Variants in CFAP43 observed in about 807,000 individuals in gnomAD.
CFAP43 encodes cilia- and flagella-associated protein 43.
CFAP43 carries 155 observed loss-of-function variants against 218.9 expected under a neutral mutation model. The observed-to-expected ratio is 0.71, with a 90% confidence interval of 0.62 to 0.81. CFAP43 has a LOEUF of 0.81. CFAP43 is among the 30% of genes least tolerant of loss of function. CFAP43 has a pLI of 0.00. For synonymous variants in CFAP43, 645 were observed against 681.3 expected (o/e 0.95, Z 0.83); for missense variants, 1,778 against 1,954.3 (o/e 0.91, Z 1.70).
At chr10:104,133,233 C>G (rs549584389) in intron 35 of CFAP43, among the ~76,000 whole-genome samples, 1 of 152,010 alleles carries the variant, frequency 6.6e-6, no homozygotes, top group Non-Finnish European at 1.5e-5. Context: ...TCTTGAAGAA[C>G]GGCTATATTG....
rs1017044512 is a variant in CFAP43, at chr10:104,133,747, C to T, written c.4469G>A (p.Ser1490Asn). ...AAGTATTCTTTTGTGTACATCTTTA[C>T]TTTCCATCATGCTAGCAACTTTCTT... Reference protein sequence around the residue: ...GQKKVASMMESKDVHKRILQI... With the variant: ...GQKKVASMMENKDVHKRILQI... Residue 1490 changes from serine (S) to asparagine (N), a missense_variant, in exon 35 of 38, where the codon AGT becomes AAT. By Grantham distance (46) the Ser-to-Asn change is conservative. Transcript: ENST00000357060. The T allele has an allele frequency of 2.4e-5, 38 of 1,611,872 alleles. No homozygotes were observed. Among genetic ancestry groups the T allele is most frequent in the Non-Finnish European group, 3.2e-5 (38 of 1,179,344 alleles).
At chr10:104,205,280 C>T (rs1166754153) in intron 7 of CFAP43, among the ~76,000 whole-genome samples, 2 of 147,116 alleles carry the variant, frequency 1.4e-5, no homozygotes, top group African/African-American at 2.5e-5. Context: ...CCTTTTATTA[C>T]TTACTGAGGC....
chr10:104,142,239 TA>T lies in CFAP43; in HGVS notation c.4271+41del. 21 of 1,555,584 alleles carry T rather than the reference TA, an allele frequency of 1.3e-5. 1 individual carries two copies. The highest frequency in any genetic ancestry group is 1.8e-5 in the Non-Finnish European group (20 of 1,133,316). The stretch of plus-strand genomic sequence containing the variant: ...TAACACAACCTGATTTAGCCCTAAT[TA>T]GACTTTGAATAGGTGAACATGAAAG... On this transcript the variant is annotated intron_variant, in intron 33 of 37. Coordinates refer to ENST00000357060, the MANE Select transcript of CFAP43 (RefSeq NM_025145.7).
intron 5 of CFAP43, among the ~76,000 whole-genome samples, chr10:104,211,330 G>A (rs1052369213): frequency 3.3e-5 from 5 of 152,120 alleles, no homozygotes; most frequent in Non-Finnish European, 4.4e-5. Context: ...GAATTACATG[G>A]AGCCTGCTTG....
At chr10:104,148,056 T>C in intron 28 of CFAP43, 58 bp from the exon 29 acceptor site, 1 of 1,134,074 alleles carries the variant, frequency 8.8e-7, no homozygotes, top group Middle Eastern at 2.5e-4. Flanking sequence ...GACAATATTT[T>C]CTATAGACTT....
chr10:104,228,000 T>C (rs892080590), intron 2 of CFAP43, among the ~76,000 whole-genome samples: 3 of 151,974 alleles, frequency 2.0e-5, no homozygotes, highest in South Asian at 2.1e-4. Flanking sequence ...TGCGCCACCA[T>C]GCCCAACTAA....
At chr10:104,196,325 TTC>T (rs1312093600) in intron 10 of CFAP43, among the ~76,000 whole-genome samples, 1 of 152,208 alleles carries the variant, frequency 6.6e-6, no homozygotes, top group Non-Finnish European at 1.5e-5. Flanking sequence ...AGTGGCAACT[TTC>T]TTTCATTTCT....
chr10:104,175,499 C>T (rs970217017), intron 19 of CFAP43, among the ~76,000 whole-genome samples: 4 of 152,140 alleles, frequency 2.6e-5, no homozygotes, highest in African/African-American at 4.8e-5. Context: ...TATGGCCCAA[C>T]AAACCCATGG....
At chr10:104,228,623 T>C (rs930086499) in intron 2 of CFAP43, among the ~76,000 whole-genome samples, 2 of 152,188 alleles carry the variant, frequency 1.3e-5, no homozygotes, top group Non-Finnish European at 2.9e-5. Context: ...ATATTTATAA[T>C]AACCAGGCTT....
At chr10:104,200,421 G>A (rs1019731454) in intron 8 of CFAP43, among the ~76,000 whole-genome samples, 2 of 152,038 alleles carry the variant, frequency 1.3e-5, no homozygotes, top group Admixed American at 6.5e-5. Context: ...TGTAATCCCG[G>A]CACTTTGGGA....
chr10:104,207,971 AT>A (rs566155524), intron 5 of CFAP43, 147 bp from the exon 6 acceptor site: 367 of 718,326 alleles, frequency 5.1e-4, no homozygotes, highest in East Asian at 4.6e-3. Context: ...CATCATAATA[AT>A]TTTTTTTAAG....
At chr10:104,185,828 C>T (rs2090011004) in intron 15 of CFAP43, 146 bp downstream of exon 15, 4 of 609,422 alleles carry the variant, frequency 6.6e-6, no homozygotes, top group Non-Finnish European at 1.1e-5. Flanking sequence ...CTAATACTTC[C>T]AATGGCAAGC....
rs139399866 is a variant in CFAP43, at chr10:104,152,649, T to A, written c.3618A>T (p.Arg1206Ser). ...STQAFDEHLKRLFERRVKAEM... is the reference protein window; with the variant it reads ...STQAFDEHLKSLFERRVKAEM... ...CTGCCTTCACTCTCCTTTCAAAAAGTCTTTTCAAATGTTCATCAAAGGCCT... is the reference window on the plus strand; with the variant it reads ...CTGCCTTCACTCTCCTTTCAAAAAGACTTTTCAAATGTTCATCAAAGGCCT... Residue 1206 changes from arginine (R) to serine (S), a missense_variant, in exon 28 of 38, where the codon AGA (arginine) becomes AGT (serine). By Grantham distance (110) the Arg-to-Ser change is moderately radical. Around this residue, in one of 3 missense-constraint regions of CFAP43, gnomAD observed 1,553 missense variants for 1,685.2 expected, o/e 0.92. Transcript: ENST00000357060. 6.2e-7 allele frequency: 1 copy of A among 1,613,796 alleles called. No homozygotes were observed. Among genetic ancestry groups the A allele is most frequent in the African/African-American group, 1.3e-5 (1 of 74,920 alleles).
At chr10:104,226,702 T>C (rs1436636836) in intron 2 of CFAP43, among the ~76,000 whole-genome samples, 2 of 152,268 alleles carry the variant, frequency 1.3e-5, no homozygotes, top group East Asian at 1.9e-4. Context: ...TTGCTTTTTA[T>C]AGCTATACTA....
intron 12 of CFAP43, 140 bp downstream of exon 12, chr10:104,192,058 CT>C: frequency 1.6e-6 from 1 of 625,438 alleles, no homozygotes; most frequent in South Asian, 2.2e-5. Context: ...TCCTAAGTAA[CT>C]TTAGTTATTT....
intron 12 of CFAP43, among the ~76,000 whole-genome samples, chr10:104,190,134 T>TAA (rs2090164037): frequency 2.4e-5 from 1 of 42,068 alleles, no homozygotes. Flanking sequence ...AGACTCCATC[T>TAA]CAAAAAAAAA....
chr10:104,131,013 A>G (rs1214311130), intron 37 of CFAP43, among the ~76,000 whole-genome samples: 1 of 145,538 alleles, frequency 6.9e-6, no homozygotes, highest in Non-Finnish European at 1.5e-5. Context: ...AAAAAAAAAA[A>G]AAAAAAAAGA....
At position 104,207,810 on chromosome 10, in the gene CFAP43, T is replaced by C. The variant is rs548007791; in HGVS notation, c.750A>G (p.Leu250=). The change falls in exon 6 of 38, where the codon CTA becomes CTG. Residue 250 remains leucine, a synonymous_variant. Transcript: ENST00000357060. ...GCATAGTCGGGTGAAGCAAAGGATATAGATCATCTTTCGGCTTCAGGGAGA... is the reference window on the plus strand; with the variant it reads ...GCATAGTCGGGTGAAGCAAAGGATACAGATCATCTTTCGGCTTCAGGGAGA... ...EAETFRPKDD[L]YPLLHPTMHC... is the part of the protein sequence containing the mutation. 1.6e-4 allele frequency: 263 copies of C among 1,611,644 alleles called. No homozygotes were observed. The highest frequency in any genetic ancestry group is 2.1e-4 in the Non-Finnish European group (246 of 1,179,422).
At chr10:104,158,196 T>C (rs533757582) in intron 27 of CFAP43, among the ~76,000 whole-genome samples, 2 of 152,304 alleles carry the variant, frequency 1.3e-5, no homozygotes, top group East Asian at 1.9e-4. Context: ...ACAGTAATAA[T>C]TGATTCAGGC....
Sources: gnomAD v4.1 joint callset for allele counts (sites outside exome capture counted in the v4.1 genomes callset) on GRCh38, gnomAD v4.1.1 for gene constraint, gnomAD v4.1.1 regional missense constraint, MANE v1.5 for transcripts, NCBI Gene and HGNC (gene_info 2026-07-23, HGNC 2026-07-21) for gene names.